Variants in PTPRB observed in about 807,000 individuals in gnomAD.
PTPRB encodes the protein protein tyrosine phosphatase receptor type B.
A neutral mutation model predicts 238.1 loss-of-function variants in PTPRB; 97 were observed. The ratio of observed to expected loss-of-function variants is 0.41; its 90% confidence interval spans 0.35 to 0.48. The LOEUF is 0.48. Among genes scored for constraint, PTPRB ranks in the 20% least tolerant of loss-of-function variants. PTPRB has a pLI of 0.30. For missense variants in PTPRB, 2,292 were observed against 2,681.9 expected (o/e 0.85, Z 3.21); for synonymous variants, 970 against 995.4 (o/e 0.97, Z 0.48).
At chr12:70,598,794 A>G (rs1883240661) in intron 4 of PTPRB, among the ~76,000 whole-genome samples, 1 of 152,218 alleles carries the variant, frequency 6.6e-6, no homozygotes, top group East Asian at 1.9e-4. Context: ...TAATGTCATG[A>G]TCAGTAGAAT....
intron 18 of PTPRB, among the ~76,000 whole-genome samples, chr12:70,556,489 A>C (rs1445319984): frequency 6.6e-6 from 1 of 152,180 alleles, no homozygotes; most frequent in Admixed American, 6.5e-5. Context: ...GAAAACAAAG[A>C]CTGAAAAGCA....
In PTPRB at chr12:70,566,719, G is replaced by C. The variant is rs770382629; in HGVS notation, c.3635-15C>G. ...AGATGCTGGAACTGCAGAGAGACAAGTGGAGCAACAAAATACAGATTTTAT... is the reference window on the plus strand; with the variant it reads ...AGATGCTGGAACTGCAGAGAGACAACTGGAGCAACAAAATACAGATTTTAT... On this transcript the variant is annotated splice_polypyrimidine_tract_variant and intron_variant, in intron 14 of 33. Coordinates refer to ENST00000334414, the MANE Select transcript of PTPRB (RefSeq NM_001109754.4). 1 of 1,607,256 alleles carries C rather than the reference G, an allele frequency of 6.2e-7. No individual in the cohort carries two copies. Among genetic ancestry groups the C allele is most frequent in the Non-Finnish European group, 8.5e-7 (1 of 1,175,854 alleles).
intron 18 of PTPRB, 45 bp from the exon 19 acceptor site, chr12:70,556,193 A>ATT (rs11424259): frequency 0.18 from 245,471 of 1,385,148 alleles, 7,909 homozygotes; most frequent in Non-Finnish European, 0.19. Context: ...CTCAGGGAGA[A>ATT]TTTTTTTTTT....
chr12:70,594,436 A>G (rs1251392722), intron 6 of PTPRB, 31 bp downstream of exon 6: 1 of 1,608,176 alleles, frequency 6.2e-7, no homozygotes, highest in Non-Finnish European at 8.5e-7. Flanking sequence ...ATTTCACTTT[A>G]TTCTTCTTCA....
intron 10 of PTPRB, among the ~76,000 whole-genome samples, chr12:70,580,835 A>T (rs1047656162): frequency 4.6e-5 from 7 of 152,026 alleles, no homozygotes; most frequent in African/African-American, 1.7e-4. Context: ...AAAAAAAAAA[A>T]TCAGAATTTA....
At chr12:70,620,759 C>T (rs938499827) in intron 3 of PTPRB, among the ~76,000 whole-genome samples, 4 of 152,122 alleles carry the variant, frequency 2.6e-5, no homozygotes, top group Admixed American at 6.6e-5. Flanking sequence ...CTAAGTCAGA[C>T]ATAAACACTG....
chr12:70,538,651 C>T, intron 27 of PTPRB: 1 of 511,864 alleles, frequency 2.0e-6, no homozygotes, highest in Non-Finnish European at 3.5e-6. Flanking sequence ...CTGTTAACCC[C>T]ATTTACTGCT....
chr12:70,569,374 G>A (rs1340658217), intron 14 of PTPRB, among the ~76,000 whole-genome samples: 1 of 152,164 alleles, frequency 6.6e-6, no homozygotes, highest in Non-Finnish European at 1.5e-5. Context: ...AGGGTGCTGG[G>A]ATTACAGGCG....
chr12:70,556,249 G>T, intron 18 of PTPRB, 101 bp from the exon 19 acceptor site: 1 of 1,057,728 alleles, frequency 9.5e-7, no homozygotes, highest in Non-Finnish European at 1.4e-6. Flanking sequence ...GGTATAGGAG[G>T]GACAGACAGG....
intron 13 of PTPRB, among the ~76,000 whole-genome samples, chr12:70,570,148 G>C (rs1036786900): frequency 2.0e-5 from 3 of 152,266 alleles, no homozygotes; most frequent in African/African-American, 7.2e-5. Context: ...CCGGTGAGTG[G>C]AAATGAGGAA....
chr12:70,578,653 AAAAT>A (rs1881048210), intron 10 of PTPRB, among the ~76,000 whole-genome samples: 1 of 151,990 alleles, frequency 6.6e-6, no homozygotes, highest in African/African-American at 2.4e-5. Flanking sequence ...TATAAATTAA[AAAAT>A]AAAAATAATT....
At position 70,620,807 on chromosome 12, in the gene PTPRB, A is replaced by G. The variant is rs140296709; in HGVS notation, c.708+1583T>C. 6.4e-4 allele frequency among the ~76,000 whole-genome samples: 97 copies of G among 152,340 alleles called. 2 individuals carry two copies. The East Asian group carries it at 0.015, about 24-fold the overall frequency. Reference sequence around the variant, plus strand: ...AGTGAGAGCTAAATAATGTGTACACATGGACATAGAATGTGGATTGGTAGA... The same window carrying G: ...AGTGAGAGCTAAATAATGTGTACACGTGGACATAGAATGTGGATTGGTAGA... On this transcript the variant is annotated intron_variant, in intron 3 of 33. Transcript: ENST00000334414.
At chr12:70,589,464 C>T (rs1882260716) in intron 8 of PTPRB, among the ~76,000 whole-genome samples, 1 of 152,172 alleles carries the variant, frequency 6.6e-6, no homozygotes, top group Admixed American at 6.5e-5. Context: ...GGTATTCTTG[C>T]TGTCACGATT....
At chr12:70,624,870 A>T (rs967130306) in intron 2 of PTPRB, among the ~76,000 whole-genome samples, 5 of 152,152 alleles carry the variant, frequency 3.3e-5, no homozygotes, top group East Asian at 1.9e-4. Context: ...AGAACTTTTT[A>T]AAAAAATTAG....
At chr12:70,572,788 A>AAAAAAG (rs1555229271) in intron 11 of PTPRB, among the ~76,000 whole-genome samples, 7 of 151,476 alleles carry the variant, frequency 4.6e-5, no homozygotes, top group Non-Finnish European at 8.8e-5. Context: ...AAAAAAAAAA[A>AAAAAAG]AAAAGAAAAG....
At chr12:70,631,017 A>G (rs1483696670) in intron 2 of PTPRB, among the ~76,000 whole-genome samples, 1 of 152,226 alleles carries the variant, frequency 6.6e-6, no homozygotes, top group Non-Finnish European at 1.5e-5. Context: ...GGTAATTTAT[A>G]GATTCAATGC....
intron 4 of PTPRB, among the ~76,000 whole-genome samples, chr12:70,600,428 C>A (rs907638998): frequency 7.2e-5 from 11 of 152,082 alleles, no homozygotes; most frequent in African/African-American, 2.4e-4. Context: ...TCATGAATTG[C>A]ATATTCAGTG....
chr12:70,531,899 T>C, intron 32 of PTPRB, 136 bp downstream of exon 32: 2 of 975,086 alleles, frequency 2.1e-6, no homozygotes, highest in Non-Finnish European at 3.1e-6. Flanking sequence ...TTAGAAAATA[T>C]CTACATGCAG....
chr12:70,553,237 T>TAC (rs1053311195), intron 20 of PTPRB, among the ~76,000 whole-genome samples: 1 of 151,848 alleles, frequency 6.6e-6, no homozygotes, highest in Non-Finnish European at 1.5e-5. Flanking sequence ...GTATATAAAA[T>TAC]ACACACACAC....
Sources: gnomAD v4.1 joint callset for allele counts (sites outside exome capture counted in the v4.1 genomes callset) on GRCh38, gnomAD v4.1.1 for gene constraint, MANE v1.5 for transcripts, NCBI Gene and HGNC (gene_info 2026-07-23, HGNC 2026-07-21) for gene names.